DACH1: variants seen among roughly 807,000 people sequenced by gnomAD.
The protein encoded by DACH1 is dachshund homolog 1.
Under a neutral mutation model 54.2 loss-of-function variants are expected in DACH1, and 12 were observed. That is an observed-to-expected ratio of 0.22 (90% CI 0.14 to 0.36). The LOEUF is 0.36. Ranked by LOEUF, DACH1 falls within the 10% of genes least tolerant of loss-of-function variation. DACH1 has a pLI of 1.00. For missense variants in DACH1, 805 were observed against 929.8 expected, an observed-to-expected ratio of 0.87 and a Z score of 1.75; for synonymous variants, 386 against 366.2, an observed-to-expected ratio of 1.05 and a Z score of -0.62.
chr13:71,681,956 A>T (rs1447898841), intron 1 of DACH1, 46 bp from the exon 2 acceptor site: 3 of 1,205,850 alleles, frequency 2.5e-6, no homozygotes, highest in South Asian at 1.3e-5. Context: ...CTATTGTCTT[A>T]CACATCATTT....
intron 6 of DACH1, among the ~76,000 whole-genome samples, chr13:71,502,826 C>T (rs1566301208): frequency 6.6e-6 from 1 of 152,202 alleles, no homozygotes; most frequent in Non-Finnish European, 1.5e-5. Context: ...TCCCTGACTG[C>T]GTCAATGTGT....
chr13:71,725,841 C>T (rs1883445225), intron 1 of DACH1, among the ~76,000 whole-genome samples: 1 of 152,028 alleles, frequency 6.6e-6, no homozygotes, highest in Non-Finnish European at 1.5e-5. Context: ...CATGATTGAT[C>T]TCTTAGAAAG....
chr13:71,730,617 G>A (rs1261594659), intron 1 of DACH1, among the ~76,000 whole-genome samples: 1 of 152,116 alleles, frequency 6.6e-6, no homozygotes, highest in South Asian at 2.1e-4. Flanking sequence ...ACACATATAT[G>A]TATATGTGTG....
intron 3 of DACH1, among the ~76,000 whole-genome samples, chr13:71,597,995 G>A (rs901535043): frequency 7.3e-5 from 11 of 151,172 alleles, no homozygotes; most frequent in African/African-American, 2.4e-4. Flanking sequence ...TGGGAGGATT[G>A]CTTGAGCCTG....
chr13:71,624,155 T>C (rs2138551319), intron 3 of DACH1, among the ~76,000 whole-genome samples: 1 of 152,026 alleles, frequency 6.6e-6, no homozygotes, highest in South Asian at 2.1e-4. Flanking sequence ...CTTTTATTAT[T>C]GGGGTAAGCA....
In DACH1 at chr13:71,475,123, C is replaced by G; in HGVS notation, c.2083+18G>C. 6.2e-7 allele frequency: 1 copy of G among 1,611,414 alleles called. No individual in the cohort carries two copies. Among genetic ancestry groups the G allele is most frequent in the Non-Finnish European group, 8.5e-7 (1 of 1,177,636 alleles). ...CATATAGCAAGATCTAGATTTATAG[C>G]CTTCTGCAAATTCCTACCTTGTATT... On this transcript the variant is annotated intron_variant, in intron 10 of 10. Transcript: ENST00000613252.
chr13:71,805,657 G>C (rs1014837472), intron 1 of DACH1, among the ~76,000 whole-genome samples: 2 of 152,110 alleles, frequency 1.3e-5, no homozygotes, highest in Non-Finnish European at 2.9e-5. Flanking sequence ...TGAATCCCCT[G>C]GTTTACCGTT....
intron 4 of DACH1, among the ~76,000 whole-genome samples, chr13:71,566,587 C>T (rs1356850770): frequency 2.6e-5 from 4 of 151,954 alleles, no homozygotes; most frequent in Admixed American, 1.3e-4. Flanking sequence ...AACATCAGTT[C>T]CCCCCAAATT....
chr13:71,565,581 CAAT>C (rs908308627), intron 4 of DACH1, among the ~76,000 whole-genome samples: 3 of 152,022 alleles, frequency 2.0e-5, no homozygotes, highest in African/African-American at 4.8e-5. Flanking sequence ...AAGAGACAGT[CAAT>C]GATGTTAGCA....
At chr13:71,660,763 T>G (rs1421302008) in intron 2 of DACH1, among the ~76,000 whole-genome samples, 18 of 151,894 alleles carry the variant, frequency 1.2e-4, no homozygotes, top group Admixed American at 1.2e-3. Flanking sequence ...TGTTAGGAAT[T>G]ATAGTTAACT....
At chr13:71,677,759 T>C (rs113374564) in intron 2 of DACH1, among the ~76,000 whole-genome samples, 5,410 of 152,158 alleles carry the variant, frequency 0.036, 216 homozygotes, top group African/African-American at 0.094. Context: ...CTCACTCTGT[T>C]GTCAGGCTGG....
At chr13:71,550,035 G>A (rs1430838701) in intron 6 of DACH1, among the ~76,000 whole-genome samples, 1 of 152,046 alleles carries the variant, frequency 6.6e-6, no homozygotes, top group Non-Finnish European at 1.5e-5. Flanking sequence ...TTACATTTTA[G>A]CTATATGTAA....
intron 10 of DACH1, among the ~76,000 whole-genome samples, chr13:71,449,059 G>A (rs1874747734): frequency 6.6e-6 from 1 of 152,174 alleles, no homozygotes; most frequent in Non-Finnish European, 1.5e-5. Flanking sequence ...TAATGAAGTG[G>A]CTGGGCATGG....
intron 3 of DACH1, among the ~76,000 whole-genome samples, chr13:71,611,875 G>A (rs1026426230): frequency 6.6e-6 from 1 of 152,008 alleles, no homozygotes; most frequent in African/African-American, 2.4e-5. Flanking sequence ...TGTGCATGGT[G>A]TTTTATAGAG....
At chr13:71,506,242 C>T (rs1268806361) in intron 6 of DACH1, among the ~76,000 whole-genome samples, 1 of 149,676 alleles carries the variant, frequency 6.7e-6, no homozygotes, top group Admixed American at 6.7e-5. Context: ...CCCACTAACT[C>T]GTCATCTAGC....
intron 7 of DACH1, among the ~76,000 whole-genome samples, chr13:71,485,734 C>T (rs1405043022): frequency 2.6e-5 from 4 of 151,176 alleles, no homozygotes; most frequent in African/African-American, 9.7e-5. Context: ...AGGCATGTGC[C>T]ACCACACCCA....
intron 1 of DACH1, among the ~76,000 whole-genome samples, chr13:71,801,999 C>T (rs147568462): frequency 1.3e-4 from 20 of 152,134 alleles, no homozygotes; most frequent in South Asian, 6.2e-4. Flanking sequence ...AAACAAAAGC[C>T]GAGGAGCTCC....
At position 71,775,524 on chromosome 13, in the gene DACH1, T is replaced by C. The variant is rs73525453; in HGVS notation, c.848+90398A>G. Among the ~76,000 whole-genome samples the C allele has an allele frequency of 3.5e-3, 540 of 152,188 alleles. 1 individual carries two copies. Among genetic ancestry groups the C allele is most frequent in the African/African-American group, 0.013 (521 of 41,544 alleles). The stretch of plus-strand genomic sequence containing the variant: ...AAAGTTTTGTCTCTAAAAATAAACA[T>C]AGATACATATATAAACAAATGCATA... On this transcript the variant is annotated intron_variant, in intron 1 of 10. Transcript: ENST00000613252.
intron 2 of DACH1, among the ~76,000 whole-genome samples, chr13:71,647,127 A>G (rs1003332762): frequency 2.6e-5 from 4 of 152,236 alleles, no homozygotes; most frequent in Admixed American, 2.6e-4. Context: ...AAATCACTTT[A>G]TAACTGTTAA....
Sources: allele counts gnomAD v4.1 joint callset (sites outside exome capture counted in the v4.1 genomes callset), GRCh38; gene constraint gnomAD v4.1.1; transcripts MANE v1.5; gene names NCBI Gene and HGNC (gene_info 2026-07-23, HGNC 2026-07-21).